CLSPN: variants seen among roughly 807,000 people sequenced by gnomAD.
The protein encoded by CLSPN is claspin.
In CLSPN, 85 loss-of-function variants were observed where a neutral mutation model predicts 156.3. The observed-to-expected ratio is 0.54, with a 90% CI of 0.46 to 0.65. The LOEUF (loss-of-function observed/expected upper bound fraction) is 0.65, where lower values mean the gene tolerates loss of function less well. Among genes scored for constraint, CLSPN ranks in the 30% least tolerant of loss-of-function variants. The probability of loss-of-function intolerance (pLI) is 0.00; values close to 1 mark genes in which losing one functional copy is unlikely to be tolerated. For synonymous variants in CLSPN, 534 were observed against 542.4 expected (o/e 0.98, Z 0.22); for missense variants, 1,407 against 1,554.9 (o/e 0.90, Z 1.60).
In CLSPN at chr1:35,760,987, A is replaced by T. The variant is rs187373672; in HGVS notation, c.1005-71T>A. 2.4e-5 allele frequency: 33 copies of T among 1,393,478 alleles called. No individual in the cohort carries two copies. The African/African-American group carries it at 3.7e-4, about 16-fold the overall frequency. The allele number at this position is 1,393,478 out of a possible 1,614,324, so 86.3% of individuals were successfully genotyped here. A position where few individuals can be genotyped will look rare whatever the true frequency, so the allele number is the denominator to read the frequency against. On this transcript the variant is annotated intron_variant, in intron 7 of 24. Transcript: ENST00000318121. ...GAAACATTCTCATCCCTTAGTATAT[A>T]TCAGTTAAATCAGTTTTAAGGGAGT...
At chr1:35,761,630 A>G (rs1051397158) in intron 6 of CLSPN, among the ~76,000 whole-genome samples, 2 of 152,210 alleles carry the variant, frequency 1.3e-5, no homozygotes, top group Non-Finnish European at 2.9e-5. Flanking sequence ...CAGGTAATGT[A>G]TACAGCGTGA....
chr1:35,766,949 G>A (rs1642699366), intron 1 of CLSPN, among the ~76,000 whole-genome samples: 1 of 151,540 alleles, frequency 6.6e-6, no homozygotes, highest in Non-Finnish European at 1.5e-5. Flanking sequence ...GTTTCACAAT[G>A]TTAGCCAGGC....
At position 35,736,252 on chromosome 1, in the gene CLSPN, T is replaced by A; in HGVS notation, c.*244A>T. ...AAAAAAAAAGGAAACCTCACCCAAG[T>A]ATTCCATGAGTTGTTGATGTTGTAA... On this transcript the variant is annotated 3_prime_UTR_variant, in exon 25 of 25. Coordinates refer to ENST00000318121, the MANE Select transcript of CLSPN (RefSeq NM_022111.4). 9.0e-7 allele frequency: 1 copy of A among 1,116,058 alleles called. No homozygotes were observed. The highest frequency in any genetic ancestry group is 1.1e-6 in the Non-Finnish European group (1 of 915,872). 69.1% of individuals were successfully genotyped at this position (1,116,058 alleles called of 1,614,324 possible).
chr1:35,742,933 G>C (rs577710183), intron 18 of CLSPN, among the ~76,000 whole-genome samples: 1 of 151,810 alleles, frequency 6.6e-6, no homozygotes, highest in African/African-American at 2.4e-5. Context: ...TTTTTTAGTA[G>C]AGACAGGGTT....
chr1:35,769,823 TG>T, intron 1 of CLSPN, 23 bp downstream of exon 1: 10 of 1,590,748 alleles, frequency 6.3e-6, no homozygotes, highest in South Asian at 1.1e-5. Context: ...TAAGCCCCCG[TG>T]GGGGGCGTGT....
rs1557500987 is a variant in CLSPN, at chr1:35,738,109, AAAAAATATATATATAT to A, written c.3559-28_3559-13del. The A allele has an allele frequency of 1.6e-6, 1 of 631,144 alleles. No homozygotes were observed. The highest frequency in any genetic ancestry group is 3.9e-5 in the East Asian group (1 of 25,542). 39.1% of individuals were successfully genotyped at this position (631,144 alleles called of 1,614,324 possible). The stretch of plus-strand genomic sequence containing the variant: ...TTCCCCTGCTGTGCCTGAAAAAAAA[AAAAAATATATATATAT>A]ATATATATATATATACAGCATTAAA... On this transcript the variant is annotated splice_polypyrimidine_tract_variant and intron_variant, in intron 21 of 24. Transcript: ENST00000318121.
chr1:35,742,850 G>A (rs1221917446), intron 18 of CLSPN, among the ~76,000 whole-genome samples: 1 of 151,094 alleles, frequency 6.6e-6, no homozygotes, highest in Non-Finnish European at 1.5e-5. Context: ...GGGTGCAAGC[G>A]ATTCTCCCTG....
intron 14 of CLSPN, among the ~76,000 whole-genome samples, chr1:35,747,490 G>T (rs912637529): frequency 2.0e-5 from 3 of 152,288 alleles, no homozygotes; most frequent in African/African-American, 7.2e-5. Context: ...TTTTGTGAAA[G>T]AATAAAATGT....
chr1:35,743,414 A>C (rs770858247), intron 17 of CLSPN, 41 bp downstream of exon 17: 2 of 1,527,134 alleles, frequency 1.3e-6, no homozygotes, highest in East Asian at 4.5e-5. Context: ...GCAGCAATAC[A>C]TGGAGCTCAG....
At chr1:35,749,401 A>G (rs560194470) in intron 12 of CLSPN, 66 bp downstream of exon 12, 116 of 1,434,580 alleles carry the variant, frequency 8.1e-5, no homozygotes, top group Middle Eastern at 1.8e-4. Flanking sequence ...ACCGTACTGC[A>G]GTCCTTAAAT....
rs748146208 is a variant in CLSPN at position 35,764,262 on chromosome 1, G to A, written c.582+4C>T. On this transcript the variant is annotated splice_donor_region_variant and intron_variant, in intron 3 of 24. Transcript: ENST00000318121. ...GCAATAGCAAATTATTCTTTAAAAT[G>A]TACCTGGTTTTTTGTTTCCTTCTTT... 1.3e-6 allele frequency: 2 copies of A among 1,537,820 alleles called. No homozygotes were observed. Among genetic ancestry groups the A allele is most frequent in the Non-Finnish European group, 1.8e-6 (2 of 1,142,430 alleles).
Position 35,734,337 on chromosome 1 carries a change from G to A in CLSPN, c.*2159C>T, listed in dbSNP as rs1252735509. The A allele has an allele frequency of 3.0e-6, 3 of 984,938 alleles. No individual in the cohort carries two copies. In the East Asian group the frequency reaches 3.4e-4, roughly 112 times the overall value. The allele number at this position is 984,938 out of a possible 1,614,324, so 61.0% of individuals were successfully genotyped here. ...CATTTTCCCCATTATAAGATTACAA[G>A]TATACAAACATAAGTATTGTCAAAG... On this transcript the variant is annotated 3_prime_UTR_variant, in exon 25 of 25. Transcript: ENST00000318121.
rs72659667 is a variant in CLSPN at position 35,755,571 on chromosome 1, C to T, written c.1580-1635G>A. Reference sequence around the variant, plus strand: ...TACAGGAGTGAGCCACTGCGACTGGCCGATTTTTGTATTTTTTGTAGAGAC... The same window carrying T: ...TACAGGAGTGAGCCACTGCGACTGGTCGATTTTTGTATTTTTTGTAGAGAC... On this transcript the variant is annotated intron_variant, in intron 8 of 24. Transcript: ENST00000318121. Among the ~76,000 whole-genome samples the T allele has an allele frequency of 6.2e-3, 937 of 152,052 alleles. 7 individuals carry two copies. Among genetic ancestry groups the T allele is most frequent in the Non-Finnish European group, 0.011 (716 of 68,000 alleles).
At chr1:35,758,891 C>G (rs941752672) in intron 8 of CLSPN, among the ~76,000 whole-genome samples, 26 of 151,664 alleles carry the variant, frequency 1.7e-4, no homozygotes, top group African/African-American at 6.3e-4. Context: ...GCCTCAGCCT[C>G]CCGAGTAGCT....
At chr1:35,736,780 C>T in intron 24 of CLSPN, 134 bp downstream of exon 24, 2 of 1,315,650 alleles carry the variant, frequency 1.5e-6, no homozygotes, top group Non-Finnish European at 2.1e-6. Flanking sequence ...TAGCAATTCT[C>T]TTGTACCTTA....
In CLSPN at chr1:35,758,558, T is replaced by C. The variant is rs529365358; in HGVS notation, c.1579+1784A>G. 3.2e-4 allele frequency among the ~76,000 whole-genome samples: 48 copies of C among 152,022 alleles called. 1 individual carries two copies. Among genetic ancestry groups the C allele is most frequent in the African/African-American group, 1.1e-3 (44 of 41,474 alleles). ...TACTTGAGAGCCTGAGGCAGAAGAA[T>C]TGCTTGAACCCAGGAGGCGGAGGTT... is the stretch of plus-strand genomic sequence containing the variant. On this transcript the variant is annotated intron_variant, in intron 8 of 24. Coordinates refer to ENST00000318121, the MANE Select transcript of CLSPN (RefSeq NM_022111.4).
At position 35,743,080 on chromosome 1, in the gene CLSPN, C is replaced by T. The variant is rs923650618; in HGVS notation, c.3143+61G>A. 2 of 1,293,182 alleles carry T rather than the reference C, an allele frequency of 1.5e-6. 1 individual carries two copies. Among genetic ancestry groups the T allele is most frequent in the South Asian group, 2.4e-5 (2 of 82,860 alleles). 80.1% of individuals were successfully genotyped at this position (1,293,182 alleles called of 1,614,324 possible). A position where few individuals can be genotyped will look rare whatever the true frequency, so the allele number is the denominator to read the frequency against. ...GGGATTACAGGCGCAAGCCACCATG[C>T]CTGGCCTAGTGACCAAATTTTAAAT... On this transcript the variant is annotated intron_variant, in intron 18 of 24. Coordinates refer to ENST00000318121, the MANE Select transcript of CLSPN (RefSeq NM_022111.4).
intron 1 of CLSPN, among the ~76,000 whole-genome samples, chr1:35,769,190 G>T (rs1182363721): frequency 1.3e-5 from 2 of 152,086 alleles, no homozygotes; most frequent in Non-Finnish European, 2.9e-5. Context: ...GGGTTTTGGC[G>T]CCCCTTTAAA....
downstream of CLSPN, among the ~76,000 whole-genome samples, chr1:35,730,805 A>G (rs2148608683): frequency 6.6e-6 from 1 of 152,196 alleles, no homozygotes; most frequent in South Asian, 2.1e-4. Context: ...GGTTGCAGTG[A>G]GCTGAGATCG....
Sources: gnomAD v4.1 joint callset for allele counts (sites outside exome capture counted in the v4.1 genomes callset) on GRCh38, gnomAD v4.1.1 for gene constraint, MANE v1.5 for transcripts, NCBI Gene and HGNC (gene_info 2026-07-23, HGNC 2026-07-21) for gene names.